PDE11A: variants seen among roughly 807,000 people sequenced by gnomAD.
The protein encoded by PDE11A is dual 3',5'-cyclic-AMP and -GMP phosphodiesterase 11A.
Under a neutral mutation model 100.5 loss-of-function variants are expected in PDE11A, and 100 were observed. The ratio of observed to expected loss-of-function variants is 1.00; its 90% CI spans 0.85 to 1.18. The LOEUF (loss-of-function observed/expected upper bound fraction) is 1.18. Among genes scored for constraint, PDE11A ranks in the 50% most tolerant of loss-of-function variants. The pLI is 0.00. For missense variants in PDE11A, 1,141 were observed against 1,152.6 expected, an observed-to-expected ratio of 0.99 and a Z score of 0.15; for synonymous variants, 381 against 420.8, an observed-to-expected ratio of 0.91 and a Z score of 1.16.
At chr2:177,999,455 G>T (rs371584751) in intron 2 of PDE11A, among the ~76,000 whole-genome samples, 2 of 152,114 alleles carry the variant, frequency 1.3e-5, no homozygotes, top group African/African-American at 4.8e-5. Context: ...AATTGATGTC[G>T]ATATTAAAGC....
intron 7 of PDE11A, among the ~76,000 whole-genome samples, chr2:177,818,243 G>T: frequency 6.7e-6 from 1 of 149,888 alleles, no homozygotes; most frequent in African/African-American, 2.5e-5. Context: ...TATATATGTA[G>T]CTGAATATGT....
rs372435610 is a variant in PDE11A at position 178,003,357 on chromosome 2, C to T, written c.1071+10945G>A. Reference sequence around the variant, plus strand: ...AATGAGGTATATCCACATGGTGGCACATTACTGGGCCATAAAAAGAAATGA... The same window carrying T: ...AATGAGGTATATCCACATGGTGGCATATTACTGGGCCATAAAAAGAAATGA... On this transcript the variant is annotated intron_variant, in intron 2 of 19. Transcript: ENST00000286063. Among the ~76,000 whole-genome samples the T allele has an allele frequency of 6.7e-4, 102 of 152,160 alleles. 2 individuals are homozygous for T. The highest frequency in any genetic ancestry group is 2.2e-3 in the African/African-American group (93 of 41,544).
intron 7 of PDE11A, 32 bp downstream of exon 7, chr2:177,820,188 C>A (rs1471943832): frequency 8.8e-7 from 1 of 1,130,608 alleles, no homozygotes; most frequent in Admixed American, 1.7e-5. Context: ...TTTCTTTATT[C>A]AAGAAGTTTA....
Position 177,944,980 on chromosome 2 carries a change from G to A in PDE11A, c.1072-39793C>T, listed in dbSNP as rs941505592. 7.9e-3 allele frequency among the ~76,000 whole-genome samples: 1,182 copies of A among 149,874 alleles called. 23 individuals carry two copies. Among genetic ancestry groups the A allele is most frequent in the Non-Finnish European group, 0.012 (787 of 66,768 alleles). On this transcript the variant is annotated intron_variant, in intron 2 of 19. Transcript: ENST00000286063. Reference sequence around the variant, plus strand: ...TGAGTGCCTGCCATTGCAGGCACGCGCCGCCACGCCTGACTGGTTTTGGTG... The same window carrying A: ...TGAGTGCCTGCCATTGCAGGCACGCACCGCCACGCCTGACTGGTTTTGGTG...
intron 19 of PDE11A, among the ~76,000 whole-genome samples, chr2:177,641,209 A>G (rs1384239760): frequency 6.6e-6 from 1 of 152,134 alleles, no homozygotes; most frequent in Non-Finnish European, 1.5e-5. Context: ...CAAATCCCTC[A>G]ATGTGGCCTA....
At position 178,071,890 on chromosome 2, in the gene PDE11A, G is replaced by C; in HGVS notation, c.548C>G (p.Pro183Arg). 1 of 1,613,758 alleles carries C rather than the reference G, an allele frequency of 6.2e-7. No individual in the cohort carries two copies. The highest frequency in any genetic ancestry group is 1.1e-5 in the South Asian group (1 of 91,064). ...GTCGATGGCTGTAGGGGGATACCGAGGCAGATTCACTCTCGATTCCAGCAG... is the reference window on the plus strand; with the variant it reads ...GTCGATGGCTGTAGGGGGATACCGACGCAGATTCACTCTCGATTCCAGCAG... ...SALLESRVNL[P>R]RYPPTAIDYK... is the part of the protein sequence containing the mutation. The change falls in exon 1 of 20, where the codon CCT becomes CGT. Residue 183 changes from proline to arginine, a missense_variant. Pro to Arg is a moderately radical substitution (Grantham distance 103). Coordinates refer to ENST00000286063, the MANE Select transcript of PDE11A (RefSeq NM_016953.4).
intron 2 of PDE11A, among the ~76,000 whole-genome samples, chr2:177,954,628 A>G (rs2085539725): frequency 6.6e-6 from 1 of 152,208 alleles, no homozygotes; most frequent in South Asian, 2.1e-4. Context: ...GAAGAGAATC[A>G]AGTGCCCCTT....
chr2:177,895,525 G>T (rs2084598626), intron 4 of PDE11A, among the ~76,000 whole-genome samples: 1 of 150,852 alleles, frequency 6.6e-6, no homozygotes, highest in Non-Finnish European at 1.5e-5. Flanking sequence ...TTGCACTCCA[G>T]CCTGGGGGAC....
chr2:177,814,805 AG>A (rs2105576383), intron 9 of PDE11A, among the ~76,000 whole-genome samples: 1 of 152,278 alleles, frequency 6.6e-6, no homozygotes, highest in South Asian at 2.1e-4. Context: ...AGGGTATATG[AG>A]CATTTTCTAG....
chr2:177,723,435 C>T (rs1020714858), intron 12 of PDE11A: 7 of 152,312 alleles, frequency 4.6e-5, no homozygotes, highest in South Asian at 2.1e-4. Flanking sequence ...TCCCCACCAG[C>T]GCCACGCTGC....
At chr2:177,699,219 A>G (rs143435223) in intron 14 of PDE11A, among the ~76,000 whole-genome samples, 1 of 152,300 alleles carries the variant, frequency 6.6e-6, no homozygotes, top group Non-Finnish European at 1.5e-5. Context: ...TATTGCTTCT[A>G]GGCTATACAT....
chr2:178,073,616 C>T (rs1402695056), upstream of PDE11A, among the ~76,000 whole-genome samples: 3 of 152,110 alleles, frequency 2.0e-5, no homozygotes, highest in Non-Finnish European at 4.4e-5. Context: ...TAGCATAGTG[C>T]CTGGCACATA....
chr2:177,761,180 C>T, intron 10 of PDE11A, among the ~76,000 whole-genome samples: 1 of 152,174 alleles, frequency 6.6e-6, no homozygotes, highest in East Asian at 1.9e-4. Context: ...ACTATCATTA[C>T]AGCACACTCC....
intron 2 of PDE11A, chr2:177,926,974 C>T (rs2085133632): frequency 6.6e-6 from 1 of 152,214 alleles, no homozygotes; most frequent in African/African-American, 2.4e-5. Flanking sequence ...TTCTCTCTGC[C>T]ACCATTTACT....
At chr2:177,689,377 C>T (rs1469505093) in intron 15 of PDE11A, among the ~76,000 whole-genome samples, 12 of 152,106 alleles carry the variant, frequency 7.9e-5, no homozygotes, top group Admixed American at 6.5e-5. Flanking sequence ...CCACTGTCCC[C>T]GGCCTGTAAC....
chr2:177,852,845 A>T lies in PDE11A; in HGVS notation c.1368-12462T>A, dbSNP rs1046190304. Among the ~76,000 whole-genome samples, 6 of 152,280 alleles carry T rather than the reference A, an allele frequency of 3.9e-5. No individual in the cohort carries two copies. The East Asian group carries it at 1.2e-3, about 29-fold the overall frequency. ...TAAATTTATCATGATCTGTTAGTGG[A>T]GTCGCCTTTAATGTCTTGCCTGAGG... On this transcript the variant is annotated intron_variant, in intron 5 of 19. Coordinates refer to ENST00000286063, the MANE Select transcript of PDE11A (RefSeq NM_016953.4).
intron 9 of PDE11A, among the ~76,000 whole-genome samples, chr2:177,790,356 A>G (rs1403379954): frequency 6.6e-6 from 1 of 151,746 alleles, no homozygotes; most frequent in Non-Finnish European, 1.5e-5. Context: ...CTGAAACTGG[A>G]TCCCTTCCTT....
intron 2 of PDE11A, among the ~76,000 whole-genome samples, chr2:178,094,483 G>C (rs572041395): frequency 6.6e-6 from 1 of 152,276 alleles, no homozygotes; most frequent in East Asian, 1.9e-4. Context: ...AATGAGCTGA[G>C]ATCGCACCAC....
At chr2:177,935,986 T>C (rs2085267649) in intron 2 of PDE11A, among the ~76,000 whole-genome samples, 3 of 152,182 alleles carry the variant, frequency 2.0e-5, no homozygotes, top group Non-Finnish European at 2.9e-5. Context: ...TTGTCTCTTC[T>C]TTATATAATT....
Sources: allele counts gnomAD v4.1 joint callset (sites outside exome capture counted in the v4.1 genomes callset), GRCh38; gene constraint gnomAD v4.1.1; transcripts MANE v1.5; gene names NCBI Gene and HGNC (gene_info 2026-07-23, HGNC 2026-07-21).